The following PPP3CA variants were observed in gnomAD, a reference collection of about 807,000 sequenced individuals.
The protein encoded by PPP3CA is protein phosphatase 3 catalytic subunit alpha.
A neutral mutation model predicts 66.5 loss-of-function variants in PPP3CA; 14 were observed. The ratio of observed to expected loss-of-function variants is 0.21; its 90% confidence interval spans 0.14 to 0.33. The LOEUF (loss-of-function observed/expected upper bound fraction) is 0.33, where lower values mean the gene tolerates loss of function less well. Ranked by LOEUF, PPP3CA falls within the 10% of genes least tolerant of loss-of-function variation. The pLI, the probability that PPP3CA is intolerant of heterozygous loss-of-function variation, is 1.00. For synonymous variants in PPP3CA, 232 were observed against 226.2 expected, an observed-to-expected ratio of 1.03 and a Z score of -0.23; for missense variants, 317 against 639.5, an observed-to-expected ratio of 0.50 and a Z score of 5.44.
At chr4:101,090,269 T>C (rs781701775) in intron 6 of PPP3CA, among the ~76,000 whole-genome samples, 5 of 152,222 alleles carry the variant, frequency 3.3e-5, no homozygotes, top group Non-Finnish European at 5.9e-5. Context: ...TCAGTCTATA[T>C]ATAGGCCACA....
chr4:101,319,108 T>C (rs1728963012), intron 1 of PPP3CA, among the ~76,000 whole-genome samples: 1 of 151,192 alleles, frequency 6.6e-6, no homozygotes, highest in Non-Finnish European at 1.5e-5. Context: ...GGCAGCCACT[T>C]AGAAAATTTA....
At chr4:101,333,412 C>T (rs1447260761) in intron 1 of PPP3CA, among the ~76,000 whole-genome samples, 1 of 150,848 alleles carries the variant, frequency 6.6e-6, no homozygotes, top group Non-Finnish European at 1.5e-5. Context: ...AGGCATGAGC[C>T]ACTGCACCCG....
intron 6 of PPP3CA, among the ~76,000 whole-genome samples, chr4:101,088,973 CA>C (rs1219299444): frequency 6.6e-6 from 1 of 152,110 alleles, no homozygotes; most frequent in Non-Finnish European, 1.5e-5. Flanking sequence ...AAACAAAAAA[CA>C]GGAGGAATTT....
At chr4:101,100,712 C>A (rs531772192) in intron 3 of PPP3CA, among the ~76,000 whole-genome samples, 1 of 151,936 alleles carries the variant, frequency 6.6e-6, no homozygotes, top group East Asian at 1.9e-4. Context: ...ACCTGTATTC[C>A]CAAAGTGAAG....
intron 2 of PPP3CA, among the ~76,000 whole-genome samples, chr4:101,118,820 A>G (rs1189282798): frequency 6.6e-6 from 1 of 151,648 alleles, no homozygotes; most frequent in African/African-American, 2.4e-5. Context: ...GCATATGCAT[A>G]CTCTGTTCTT....
At chr4:101,031,168 T>A (rs1401774317) in intron 12 of PPP3CA, among the ~76,000 whole-genome samples, 2 of 152,168 alleles carry the variant, frequency 1.3e-5, no homozygotes, top group South Asian at 2.1e-4. Flanking sequence ...CAATACTATA[T>A]TCATGAAGTT....
chr4:101,293,245 A>T (rs926715299), intron 1 of PPP3CA, among the ~76,000 whole-genome samples: 29 of 151,942 alleles, frequency 1.9e-4, no homozygotes, highest in African/African-American at 6.5e-4. Context: ...CTCCTCCTTT[A>T]CCTGCTTGCT....
At chr4:101,159,113 G>A (rs1025865956) in intron 2 of PPP3CA, among the ~76,000 whole-genome samples, 1 of 152,138 alleles carries the variant, frequency 6.6e-6, no homozygotes, top group Non-Finnish European at 1.5e-5. Flanking sequence ...GCGAGTTTTA[G>A]GTAAGTGGCC....
chr4:101,303,919 CT>C (rs1728457426), intron 1 of PPP3CA, among the ~76,000 whole-genome samples: 2 of 152,160 alleles, frequency 1.3e-5, no homozygotes, highest in African/African-American at 2.4e-5. Flanking sequence ...TATATCTTCA[CT>C]GGTCAAACTT....
intron 11 of PPP3CA, among the ~76,000 whole-genome samples, chr4:101,033,295 C>CACACAA (rs1560571227): frequency 5.7e-5 from 2 of 34,962 alleles, no homozygotes; most frequent in Admixed American, 6.0e-4. Flanking sequence ...CACACACAAA[C>CACACAA]ACACACACAC....
At chr4:101,123,799 T>C (rs529170929) in intron 2 of PPP3CA, among the ~76,000 whole-genome samples, 1 of 152,298 alleles carries the variant, frequency 6.6e-6, no homozygotes, top group Non-Finnish European at 1.5e-5. Flanking sequence ...AAAGACTCTA[T>C]CTTGCTTCTG....
intron 2 of PPP3CA, among the ~76,000 whole-genome samples, chr4:101,125,851 T>C (rs939917175): frequency 6.6e-6 from 1 of 152,168 alleles, no homozygotes; most frequent in Non-Finnish European, 1.5e-5. Context: ...CCCTGAACAA[T>C]ATGACATTTT....
intron 1 of PPP3CA, among the ~76,000 whole-genome samples, chr4:101,310,579 G>C (rs142420340): frequency 1.3e-5 from 2 of 152,040 alleles, no homozygotes; most frequent in African/African-American, 4.8e-5. Context: ...AGGCTGAGGT[G>C]GGAGGATCAC....
chr4:101,337,855 C>T (rs1729682573), intron 1 of PPP3CA, among the ~76,000 whole-genome samples: 1 of 152,162 alleles, frequency 6.6e-6, no homozygotes, highest in Non-Finnish European at 1.5e-5. Flanking sequence ...CAGTACTGAG[C>T]TTTTCTAAAA....
intron 1 of PPP3CA, among the ~76,000 whole-genome samples, chr4:101,201,673 C>A (rs919162630): frequency 6.6e-6 from 1 of 152,220 alleles, no homozygotes; most frequent in African/African-American, 2.4e-5. Context: ...TCCCATATTT[C>A]ATGTGGCTAC....
At chr4:101,196,744 G>A (rs976922989) in intron 1 of PPP3CA, among the ~76,000 whole-genome samples, 1 of 152,180 alleles carries the variant, frequency 6.6e-6, no homozygotes, top group Admixed American at 6.5e-5. Context: ...TGTCAGGGAC[G>A]AGATACAGGT....
intron 6 of PPP3CA, among the ~76,000 whole-genome samples, chr4:101,087,654 T>G (rs748904252): frequency 6.6e-6 from 1 of 152,202 alleles, no homozygotes; most frequent in Non-Finnish European, 1.5e-5. Context: ...TTTAGTAAGC[T>G]CATTCTCATT....
chr4:101,345,765 C>T (rs1729962601), intron 1 of PPP3CA, among the ~76,000 whole-genome samples: 2 of 152,176 alleles, frequency 1.3e-5, no homozygotes, highest in African/African-American at 4.8e-5. Flanking sequence ...TGCCAGCAAC[C>T]TCAGTGCATC....
intron 2 of PPP3CA, among the ~76,000 whole-genome samples, chr4:101,181,183 A>AT (rs1454924408): frequency 6.6e-6 from 1 of 152,100 alleles, no homozygotes; most frequent in Non-Finnish European, 1.5e-5. Context: ...ATTTTTTCAA[A>AT]TTGGTAGACC....
Sources: gnomAD v4.1 joint callset for allele counts (sites outside exome capture counted in the v4.1 genomes callset) on GRCh38, gnomAD v4.1.1 for gene constraint, MANE v1.5 for transcripts, NCBI Gene and HGNC (gene_info 2026-07-23, HGNC 2026-07-21) for gene names.